Variants in SENP5 observed in about 807,000 individuals in gnomAD.
SENP5 encodes sentrin-specific protease 5.
A neutral mutation model predicts 74.2 loss-of-function variants in SENP5; 21 were observed. The observed-to-expected ratio is 0.28, with a 90% confidence interval of 0.20 to 0.41. SENP5 has a LOEUF of 0.41. Ranked by LOEUF, SENP5 falls within the 10% of genes least tolerant of loss-of-function variation. The pLI, the probability that SENP5 is intolerant of heterozygous loss-of-function variation, is 1.00. For missense variants in SENP5, 717 were observed against 889.1 expected, an observed-to-expected ratio of 0.81 and a Z score of 2.46; for synonymous variants, 311 against 312.7, an observed-to-expected ratio of 0.99 and a Z score of 0.06.
intron 7 of SENP5, 52 bp downstream of exon 7, chr3:196,923,603 G>A (rs769525886): frequency 9.6e-6 from 12 of 1,253,832 alleles, no homozygotes; most frequent in Non-Finnish European, 1.4e-5. Flanking sequence ...TGGCCAAATA[G>A]CATCTTAGCT....
intron 8 of SENP5, 75 bp downstream of exon 8, chr3:196,927,954 C>A: frequency 2.3e-6 from 2 of 873,524 alleles, no homozygotes; most frequent in Non-Finnish European, 3.7e-6. Flanking sequence ...CCTTTAAGAG[C>A]ATTTGAAGAC....
At chr3:196,869,952 T>G (rs1713138800) in intron 1 of SENP5, among the ~76,000 whole-genome samples, 2 of 151,780 alleles carry the variant, frequency 1.3e-5, no homozygotes, top group Admixed American at 6.6e-5. Context: ...AACCCAGTGC[T>G]CTATACACAG....
chr3:196,905,773 T>C (rs1268569864), intron 6 of SENP5, among the ~76,000 whole-genome samples: 1 of 152,124 alleles, frequency 6.6e-6, no homozygotes, highest in East Asian at 1.9e-4. Flanking sequence ...GGCGATTGAC[T>C]AAACCAGTGA....
chr3:196,887,930 G>A (rs755178110), intron 2 of SENP5, among the ~76,000 whole-genome samples: 7 of 151,972 alleles, frequency 4.6e-5, no homozygotes, highest in Non-Finnish European at 1.0e-4. Flanking sequence ...ACCATGCCCG[G>A]CTAATTTTTT....
At position 196,886,322 on chromosome 3, in the gene SENP5, C is replaced by T. The variant is rs750540823; in HGVS notation, c.1141C>T (p.Arg381Cys). The change falls in exon 2 of 10, where the codon CGT becomes TGT. Residue 381 changes from arginine to cysteine, a missense_variant. Arg to Cys is a radical substitution (Grantham distance 180). Transcript: ENST00000323460. ...LIHDIPLPEH[R>C]SNTMFISETE... Reference sequence around the variant, plus strand: ...TCATGACATCCCCTTACCAGAACATCGTTCTAATACCATGTTCATTTCAGA... The same window carrying T: ...TCATGACATCCCCTTACCAGAACATTGTTCTAATACCATGTTCATTTCAGA... 5.0e-6 allele frequency: 8 copies of T among 1,613,774 alleles called. No individual in the cohort carries two copies. The highest frequency in any genetic ancestry group is 2.2e-5 in the East Asian group (1 of 44,870).
intron 8 of SENP5, 83 bp from the exon 9 acceptor site, chr3:196,929,550 C>A: frequency 2.4e-6 from 2 of 823,512 alleles, no homozygotes; most frequent in African/African-American, 1.7e-5. Flanking sequence ...CTATCTTTTG[C>A]GCATTTTTCC....
intron 1 of SENP5, among the ~76,000 whole-genome samples, chr3:196,869,986 C>T (rs573455480): frequency 3.3e-5 from 5 of 152,204 alleles, no homozygotes; most frequent in Admixed American, 2.0e-4. Flanking sequence ...CCTCCTTCAT[C>T]CTGGCATGCA....
At chr3:196,888,943 C>T (rs375024744) in intron 2 of SENP5, among the ~76,000 whole-genome samples, 20 of 151,928 alleles carry the variant, frequency 1.3e-4, no homozygotes, top group South Asian at 2.1e-4. Flanking sequence ...GGTGAAACCC[C>T]GTCCCTACTA....
At position 196,932,096 on chromosome 3, in the gene SENP5, T is replaced by C; in HGVS notation, c.*1173T>C. On this transcript the variant is annotated 3_prime_UTR_variant, in exon 10 of 10. Coordinates refer to ENST00000323460, the MANE Select transcript of SENP5 (RefSeq NM_152699.5). ...CTTCTCCTTCTGTTGAACCTCATCT[T>C]CTGAAGAAAGGCCAAGTGGCCCTTG... The C allele has an allele frequency of 4.0e-6, 1 of 248,916 alleles. No homozygotes were observed. The highest frequency in any genetic ancestry group is 8.1e-6 in the Non-Finnish European group (1 of 124,052). 15.4% of individuals were successfully genotyped at this position (248,916 alleles called of 1,614,324 possible).
intron 4 of SENP5, 113 bp from the exon 5 acceptor site, chr3:196,900,252 G>T (rs1442817387): frequency 1.8e-6 from 2 of 1,116,228 alleles, no homozygotes; most frequent in East Asian, 2.5e-5. Context: ...TTCTGATTGG[G>T]ATGTACTGAA....
intron 1 of SENP5, among the ~76,000 whole-genome samples, chr3:196,870,257 AC>A (rs1183161843): frequency 6.6e-6 from 1 of 152,038 alleles, no homozygotes; most frequent in African/African-American, 2.4e-5. Context: ...TATTTTTCTT[AC>A]CTATTATGGT....
intron 1 of SENP5, among the ~76,000 whole-genome samples, chr3:196,872,264 A>G (rs892298322): frequency 3.3e-5 from 5 of 152,246 alleles, no homozygotes; most frequent in South Asian, 2.1e-4. Context: ...AACATACAGC[A>G]GCATGGCTGG....
chr3:196,876,872 A>G (rs1713499935), intron 1 of SENP5, among the ~76,000 whole-genome samples: 1 of 152,152 alleles, frequency 6.6e-6, no homozygotes, highest in Non-Finnish European at 1.5e-5. Flanking sequence ...GACACTCTCA[A>G]AAAAATAAGA....
chr3:196,903,161 A>T (rs1196723836), intron 5 of SENP5, among the ~76,000 whole-genome samples: 1 of 151,946 alleles, frequency 6.6e-6, no homozygotes, highest in Non-Finnish European at 1.5e-5. Context: ...ATTTTTTGAG[A>T]CGGAGTTTTG....
rs377677673 is a variant in SENP5, at chr3:196,885,873, T to C, written c.692T>C (p.Met231Thr). The change falls in exon 2 of 10, where the codon ATG (methionine) becomes ACG (threonine). Residue 231 changes from methionine (M) to threonine (T), a missense_variant. By Grantham distance (81) the Met-to-Thr change is moderately conservative. Transcript: ENST00000323460. ...QHRRIKLSPLMMYEKLSMIRF... is the reference protein window; with the variant it reads ...QHRRIKLSPLTMYEKLSMIRF... Reference sequence around the variant, plus strand: ...AGAAGGATAAAATTATCTCCTCTTATGATGTATGAGAAATTATCCATGATT... The same window carrying C: ...AGAAGGATAAAATTATCTCCTCTTACGATGTATGAGAAATTATCCATGATT... 5.0e-6 allele frequency: 8 copies of C among 1,613,736 alleles called. No homozygotes were observed. The Admixed American group carries it at 6.7e-5, about 13-fold the overall frequency.
At chr3:196,911,429 A>G (rs1421817569) in intron 6 of SENP5, among the ~76,000 whole-genome samples, 1 of 152,072 alleles carries the variant, frequency 6.6e-6, no homozygotes, top group Non-Finnish European at 1.5e-5. Context: ...GAAGACATTT[A>G]TGTCTGTAGT....
intron 9 of SENP5, among the ~76,000 whole-genome samples, chr3:196,930,545 T>C (rs1445111452): frequency 1.3e-5 from 2 of 152,212 alleles, no homozygotes; most frequent in African/African-American, 4.8e-5. Context: ...CTTAGGAGTG[T>C]GAACCCTGTT....
In SENP5 at chr3:196,923,295, A is replaced by G. The variant is rs1346941809; in HGVS notation, c.1885-119A>G. On this transcript the variant is annotated intron_variant, in intron 6 of 9. Transcript: ENST00000323460. ...AAGACCTGGGTTCAAATTCTGGTTC[A>G]TTGCTTCCTACTTTTTTGCCCTTGT... is the stretch of plus-strand genomic sequence containing the variant. 7 of 1,076,610 alleles carry G rather than the reference A, an allele frequency of 6.5e-6. No homozygotes were observed. In the East Asian group the frequency reaches 1.7e-4, roughly 27 times the overall value. The allele number at this position is 1,076,610 out of a possible 1,614,324, so 66.7% of individuals were successfully genotyped here. A position where few individuals can be genotyped will look rare whatever the true frequency, so the allele number is the denominator to read the frequency against.
At chr3:196,872,453 T>A (rs1027015429) in intron 1 of SENP5, among the ~76,000 whole-genome samples, 1 of 152,172 alleles carries the variant, frequency 6.6e-6, no homozygotes, top group Non-Finnish European at 1.5e-5. Flanking sequence ...GTCTGGCTTC[T>A]ATACTTAGGG....
Sources: gnomAD v4.1 joint callset for allele counts (sites outside exome capture counted in the v4.1 genomes callset) on GRCh38, gnomAD v4.1.1 for gene constraint, MANE v1.5 for transcripts, NCBI Gene and HGNC (gene_info 2026-07-23, HGNC 2026-07-21) for gene names.